BFSP2: variants seen among roughly 807,000 people sequenced by gnomAD.
BFSP2 encodes beaded filament structural protein 2, also known as phakinin.
Under a neutral mutation model 44.9 loss-of-function variants are expected in BFSP2, and 38 were observed. That is an observed-to-expected ratio of 0.85 (90% CI 0.65 to 1.11). The LOEUF (loss-of-function observed/expected upper bound fraction) is 1.11. Ranked by LOEUF, BFSP2 falls within the 50% of genes least tolerant of loss-of-function variation. The probability of loss-of-function intolerance (pLI) is 0.00; values close to 1 mark genes in which losing one functional copy is unlikely to be tolerated. For synonymous variants in BFSP2, 197 were observed against 209.9 expected (o/e 0.94, Z 0.53); for missense variants, 525 against 533.0 (o/e 0.99, Z 0.15).
At position 133,450,358 on chromosome 3, in the gene BFSP2, C is replaced by G. The variant is rs762266400; in HGVS notation, c.785C>G (p.Ala262Gly). The part of the protein sequence containing the change: ...LAGCELEQMD[A>G]PIGTGLDDIL... ...GGGTGTGAGCTGGAACAAATGGATG[C>G]TCCCATTGGCACTGGTCTGGACGAC... is the stretch of plus-strand genomic sequence containing the variant. Residue 262 changes from alanine (A) to glycine (G), a missense_variant, in exon 4 of 7, where the codon GCT becomes GGT. By Grantham distance (60) the Ala-to-Gly change is moderately conservative (BLOSUM62 0). Coordinates refer to ENST00000302334, the MANE Select transcript of BFSP2 (RefSeq NM_003571.4). 1.9e-6 allele frequency: 3 copies of G among 1,614,160 alleles called. No homozygotes were observed.
chr3:133,426,361 T>G (rs1190041536), intron 1 of BFSP2, among the ~76,000 whole-genome samples: 1 of 152,112 alleles, frequency 6.6e-6, no homozygotes. Context: ...GTAAGAGGAG[T>G]GCAGTGACTT....
rs1385474395 is a variant in BFSP2, at chr3:133,446,616, A to T, written c.490-701A>T. ...TATATATATATATATATATATATAT[A>T]TATATATATATATATATATATATAA... On this transcript the variant is annotated intron_variant, in intron 1 of 6. Transcript: ENST00000302334. Among the ~76,000 whole-genome samples the T allele has an allele frequency of 5.7e-4, 30 of 52,654 alleles. 2 individuals carry two copies. Among genetic ancestry groups the T allele is most frequent in the African/African-American group, 2.8e-3 (28 of 10,112 alleles). 34.5% of individuals were successfully genotyped at this position (52,654 alleles called of 152,430 possible).
At chr3:133,421,455 AC>A (rs2073591598) in intron 1 of BFSP2, among the ~76,000 whole-genome samples, 1 of 152,078 alleles carries the variant, frequency 6.6e-6, no homozygotes, top group African/African-American at 2.4e-5. Flanking sequence ...TAGATGCATC[AC>A]CCCCATCTCT....
intron 1 of BFSP2, among the ~76,000 whole-genome samples, chr3:133,425,439 T>C (rs1216697229): frequency 6.6e-6 from 1 of 152,214 alleles, no homozygotes; most frequent in Non-Finnish European, 1.5e-5. Flanking sequence ...CCAAGATCCC[T>C]TTCAACTTGC....
intron 1 of BFSP2, among the ~76,000 whole-genome samples, chr3:133,424,841 G>C (rs2073629039): frequency 6.6e-6 from 1 of 152,132 alleles, no homozygotes; most frequent in Non-Finnish European, 1.5e-5. Context: ...CGCCATGTTG[G>C]CCAGGCTGGT....
intron 1 of BFSP2, among the ~76,000 whole-genome samples, chr3:133,423,844 C>T (rs1042987180): frequency 6.6e-6 from 1 of 152,180 alleles, no homozygotes; most frequent in East Asian, 1.9e-4. Flanking sequence ...CCTATAATCA[C>T]CTCCTGACTG....
chr3:133,453,037 T>C (rs575367228), intron 4 of BFSP2, among the ~76,000 whole-genome samples: 6 of 152,206 alleles, frequency 3.9e-5, no homozygotes, highest in Non-Finnish European at 7.4e-5. Context: ...AAGCTACATC[T>C]CAGAGAAAAC....
chr3:133,467,296 C>T (rs897793478), intron 5 of BFSP2, among the ~76,000 whole-genome samples: 1 of 152,216 alleles, frequency 6.6e-6, no homozygotes, highest in African/African-American at 2.4e-5. Flanking sequence ...TTAGGCCCTG[C>T]CCCCCAAGGC....
At chr3:133,472,664 AC>A in intron 6 of BFSP2, 99 bp downstream of exon 6, 1 of 1,450,474 alleles carries the variant, frequency 6.9e-7, no homozygotes, top group Admixed American at 2.0e-5. Flanking sequence ...AGAAGAAATC[AC>A]CCCAGACTTC....
chr3:133,424,874 A>T (rs2073629268), intron 1 of BFSP2, among the ~76,000 whole-genome samples: 1 of 152,142 alleles, frequency 6.6e-6, no homozygotes, highest in Non-Finnish European at 1.5e-5. Flanking sequence ...ACCTCAGGTG[A>T]TCCGCTAGGC....
chr3:133,408,822 G>GA (rs2073425096), intron 1 of BFSP2, among the ~76,000 whole-genome samples: 1 of 75,612 alleles, frequency 1.3e-5, no homozygotes, highest in Non-Finnish European at 3.8e-5. Flanking sequence ...TGTTTACATT[G>GA]AAAAAATGGA....
chr3:133,412,026 C>A (rs573480103), intron 1 of BFSP2, among the ~76,000 whole-genome samples: 2 of 152,126 alleles, frequency 1.3e-5, no homozygotes, highest in African/African-American at 4.8e-5. Context: ...AATTTTTAGA[C>A]GTGATCATCG....
chr3:133,460,002 C>T (rs2074047363), intron 4 of BFSP2, among the ~76,000 whole-genome samples: 1 of 152,086 alleles, frequency 6.6e-6, no homozygotes, highest in African/African-American at 2.4e-5. Context: ...CCAAAAGGGG[C>T]AGAGGGGTGA....
rs565993825 is a variant in BFSP2, at chr3:133,471,394, G to T, written c.1024-951G>T. The stretch of plus-strand genomic sequence containing the variant: ...CCATGATGGTTGCATTTGGAAGGAA[G>T]AGAAGGAAGGAAAGCAGGAACACAT... On this transcript the variant is annotated intron_variant, in intron 5 of 6. Transcript: ENST00000302334. 2.0e-5 allele frequency among the ~76,000 whole-genome samples: 3 copies of T among 152,334 alleles called. No individual in the cohort carries two copies. The South Asian group carries it at 6.2e-4, about 32-fold the overall frequency.
Position 133,466,898 on chromosome 3 carries a change from T to C in BFSP2, c.962T>C (p.Leu321Ser). 1 of 1,613,966 alleles carries C rather than the reference T, an allele frequency of 6.2e-7. No individual in the cohort carries two copies. Among genetic ancestry groups the C allele is most frequent in the Non-Finnish European group, 8.5e-7 (1 of 1,179,950 alleles). ...CTGGCAGCTGCCCTCAGGGTGGAGT[T>C]ACACAACACTTCGTGCCAAGTCCAG... ...EKLAAALRVE[L>S]HNTSCQVQSL... The change falls in exon 5 of 7, where the codon TTA (leucine) becomes TCA (serine). Residue 321 changes from leucine (L) to serine (S), a missense_variant. Coordinates refer to ENST00000302334, the MANE Select transcript of BFSP2 (RefSeq NM_003571.4).
chr3:133,403,717 C>G lies in BFSP2; in HGVS notation c.489+3145C>G, dbSNP rs557460675. ...GGAGAAGAGTTGGAAAGGAGACAGG[C>G]TCTCCTCCCTGCCATCACCACCCCA... On this transcript the variant is annotated intron_variant, in intron 1 of 6. Transcript: ENST00000302334. Among the ~76,000 whole-genome samples, 21 of 152,260 alleles carry G rather than the reference C, an allele frequency of 1.4e-4. 1 individual carries two copies. The highest frequency in any genetic ancestry group is 5.1e-4 in the African/African-American group (21 of 41,550).
At chr3:133,431,821 T>G (rs989377329) in intron 1 of BFSP2, among the ~76,000 whole-genome samples, 26 of 152,164 alleles carry the variant, frequency 1.7e-4, no homozygotes, top group African/African-American at 5.8e-4. Context: ...GGTGCCAACT[T>G]AGACAATACC....
At chr3:133,405,818 G>T (rs1276914322) in intron 1 of BFSP2, among the ~76,000 whole-genome samples, 1 of 152,210 alleles carries the variant, frequency 6.6e-6, no homozygotes, top group Non-Finnish European at 1.5e-5. Context: ...GTCCGTTAGA[G>T]AGATTCATTC....
At chr3:133,450,249 T>C (rs1306829250) in intron 3 of BFSP2, 54 bp from the exon 4 acceptor site, 9 of 1,599,690 alleles carry the variant, frequency 5.6e-6, no homozygotes, top group South Asian at 1.1e-5. Context: ...GCTAGAATTC[T>C]ATGCCATTTA....
Sources: gnomAD v4.1 joint callset for allele counts (sites outside exome capture counted in the v4.1 genomes callset) on GRCh38, gnomAD v4.1.1 for gene constraint, MANE v1.5 for transcripts, NCBI Gene and HGNC (gene_info 2026-07-23, HGNC 2026-07-21) for gene names.